UBE2U: variants seen among roughly 807,000 people sequenced by gnomAD.
UBE2U encodes ubiquitin conjugating enzyme E2 U, also known as ubiquitin-conjugating enzyme E2 U.
Under a neutral mutation model 41.2 loss-of-function variants are expected in UBE2U, and 39 were observed. The observed-to-expected ratio is 0.95, with a 90% confidence interval of 0.73 to 1.24. UBE2U has a LOEUF of 1.24. UBE2U is among the 50% of genes most tolerant of loss of function. UBE2U has a pLI of 0.00. For missense variants in UBE2U, 336 were observed against 363.1 expected, an observed-to-expected ratio of 0.93 and a Z score of 0.61; for synonymous variants, 107 against 117.8, an observed-to-expected ratio of 0.91 and a Z score of 0.60.
intron 6 of UBE2U, among the ~76,000 whole-genome samples, chr1:64,221,255 G>T (rs1054484991): frequency 6.6e-6 from 1 of 152,008 alleles, no homozygotes; most frequent in African/African-American, 2.4e-5. Context: ...GCAATTATAG[G>T]CACCTTCCAC....
At chr1:64,212,960 A>C (rs1051428743) in intron 4 of UBE2U, among the ~76,000 whole-genome samples, 5 of 152,216 alleles carry the variant, frequency 3.3e-5, no homozygotes, top group African/African-American at 9.7e-5. Context: ...TTAATAAAAC[A>C]AATATGCCCA....
intron 6 of UBE2U, among the ~76,000 whole-genome samples, chr1:64,227,294 A>C (rs1442548399): frequency 6.6e-6 from 1 of 152,196 alleles, no homozygotes; most frequent in Non-Finnish European, 1.5e-5. Flanking sequence ...AGGAAAATAA[A>C]TAAAAATTTT....
chr1:64,235,816 C>G (rs1489175821), intron 7 of UBE2U, among the ~76,000 whole-genome samples: 1 of 152,086 alleles, frequency 6.6e-6, no homozygotes, highest in African/African-American at 2.4e-5. Flanking sequence ...ATATTTTTAG[C>G]CATCTCAATC....
intron 7 of UBE2U, among the ~76,000 whole-genome samples, chr1:64,235,369 G>A (rs531548354): frequency 6.6e-6 from 1 of 152,248 alleles, no homozygotes; most frequent in Non-Finnish European, 1.5e-5. Flanking sequence ...TGTTTCAAGA[G>A]TTTCCTTGAA....
chr1:64,215,363 C>T (rs927741735), intron 5 of UBE2U: 26 of 159,756 alleles, frequency 1.6e-4, no homozygotes, highest in Non-Finnish European at 5.6e-5. Context: ...TATCCATTTT[C>T]AGTAATGAAT....
In UBE2U at chr1:64,267,292, T is replaced by G; in HGVS notation, c.*84T>G. 8.5e-7 allele frequency: 1 copy of G among 1,175,086 alleles called. No individual in the cohort carries two copies. The highest frequency in any genetic ancestry group is 1.1e-6 in the Non-Finnish European group (1 of 872,980). The allele number at this position is 1,175,086 out of a possible 1,614,324, so 72.8% of individuals were successfully genotyped here. On this transcript the variant is annotated 3_prime_UTR_variant, in exon 10 of 10. Coordinates refer to ENST00000371077, the MANE Select transcript of UBE2U (RefSeq NM_001366232.2). ...GCAATTTTGGAAGACTCTCAGAACT[T>G]GGATTTCATTTTTTTTAAGTTGTTC...
chr1:64,237,034 T>C (rs1557727238), intron 7 of UBE2U, among the ~76,000 whole-genome samples: 3 of 152,258 alleles, frequency 2.0e-5, no homozygotes, highest in African/African-American at 4.8e-5. Context: ...ATGTCAGAAG[T>C]TAGAAACTCC....
At chr1:64,205,761 T>G (rs770899765) in intron 2 of UBE2U, 41 bp downstream of exon 2, 1 of 1,511,270 alleles carries the variant, frequency 6.6e-7, no homozygotes, top group Non-Finnish European at 9.2e-7. Flanking sequence ...AAAAAAGTCT[T>G]TATACCATTA....
At chr1:64,224,920 C>T (rs1397449163) in intron 6 of UBE2U, among the ~76,000 whole-genome samples, 3 of 143,308 alleles carry the variant, frequency 2.1e-5, no homozygotes, top group Non-Finnish European at 3.0e-5. Context: ...TTATAAAATA[C>T]TGTATAGGAT....
At chr1:64,246,083 T>C (rs1644915498) in intron 8 of UBE2U, among the ~76,000 whole-genome samples, 1 of 152,176 alleles carries the variant, frequency 6.6e-6, no homozygotes, top group South Asian at 2.1e-4. Context: ...TGTGAAAAAG[T>C]TGTGTTTTTT....
chr1:64,239,056 A>AGAAGAGGAAGAGGAAGAG (rs1644727476), intron 7 of UBE2U, among the ~76,000 whole-genome samples: 4 of 65,966 alleles, frequency 6.1e-5, no homozygotes, highest in Non-Finnish European at 1.3e-4. Flanking sequence ...AAGAAGAAGA[A>AGAAGAGGAAGAGGAAGAG]GAAGAAGAAG....
In UBE2U at chr1:64,244,435, G is replaced by A. The variant is rs574006048; in HGVS notation, c.677+2702G>A. The A allele has an allele frequency of 1.2e-3, 290 of 248,492 alleles. 2 individuals are homozygous for A. Among genetic ancestry groups the A allele is most frequent in the Non-Finnish European group, 1.6e-3 (242 of 155,528 alleles). The allele number at this position is 248,492 out of a possible 1,614,324, so 15.4% of individuals were successfully genotyped here. A position where few individuals can be genotyped will look rare whatever the true frequency, so the allele number is the denominator to read the frequency against. On this transcript the variant is annotated intron_variant, in intron 8 of 9. Coordinates refer to ENST00000371077, the MANE Select transcript of UBE2U (RefSeq NM_001366232.2). ...AAATTTTAGTTCCTGGGGAGAGGAGGAGATGAAAGTTCATGCCACCCTACT... is the reference window on the plus strand; with the variant it reads ...AAATTTTAGTTCCTGGGGAGAGGAGAAGATGAAAGTTCATGCCACCCTACT...
chr1:64,252,022 T>A (rs1414904590), intron 8 of UBE2U, among the ~76,000 whole-genome samples: 1 of 152,148 alleles, frequency 6.6e-6, no homozygotes, highest in Non-Finnish European at 1.5e-5. Flanking sequence ...GAAAATGTGG[T>A]CACCATTTCT....
rs201771035 is a variant in UBE2U, at chr1:64,239,116, A to AG, written c.596-2535dup. On this transcript the variant is annotated intron_variant, in intron 7 of 9. Coordinates refer to ENST00000371077, the MANE Select transcript of UBE2U (RefSeq NM_001366232.2). ...AGGAAGAAGAAGAAGAAGAAGAAGAAGAAGAAGAAGAAGAAGAAGAAGAAG... is the reference window on the plus strand; with the variant it reads ...AGGAAGAAGAAGAAGAAGAAGAAGAAGGAAGAAGAAGAAGAAGAAGAAGAAG... Among the ~76,000 whole-genome samples, 136 of 35,134 alleles carry AG rather than the reference A, an allele frequency of 3.9e-3. 2 individuals are homozygous for AG. The highest frequency in any genetic ancestry group is 0.015 in the African/African-American group (66 of 4,420). 23.0% of individuals were successfully genotyped at this position (35,134 alleles called of 152,430 possible).
intron 8 of UBE2U, among the ~76,000 whole-genome samples, chr1:64,255,493 C>T (rs1162089378): frequency 2.6e-5 from 4 of 152,164 alleles, no homozygotes; most frequent in Admixed American, 2.6e-4. Context: ...AGGCCAATGT[C>T]CCTGATGAAC....
chr1:64,238,796 C>A (rs1329004228), intron 7 of UBE2U, among the ~76,000 whole-genome samples: 1 of 152,126 alleles, frequency 6.6e-6, no homozygotes, highest in African/African-American at 2.4e-5. Flanking sequence ...AATCCCAACA[C>A]TTTGGGAGGC....
intron 6 of UBE2U, among the ~76,000 whole-genome samples, chr1:64,225,068 A>G (rs941945195): frequency 6.6e-6 from 1 of 152,176 alleles, no homozygotes; most frequent in African/African-American, 2.4e-5. Context: ...CAGTTTCTTT[A>G]TATATTAAAT....
In UBE2U at chr1:64,239,157, AAAGAAGAAGAAG is replaced by A. The variant is rs149062313; in HGVS notation, c.596-2471_596-2460del. 4.6e-4 allele frequency among the ~76,000 whole-genome samples: 17 copies of A among 37,064 alleles called. No individual in the cohort carries two copies. The South Asian group carries it at 9.6e-3, about 21-fold the overall frequency. The allele number at this position is 37,064 out of a possible 152,430, so 24.3% of individuals were successfully genotyped here. ...GAAGAAGAAGAAGAAGAAGAAGAAGAAAGAAGAAGAAGAAGAAGAAGAAGAAGAAGAAGAAAG... is the reference window on the plus strand; with the variant it reads ...GAAGAAGAAGAAGAAGAAGAAGAAGAAAGAAGAAGAAGAAGAAGAAGAAAG... On this transcript the variant is annotated intron_variant, in intron 7 of 9. Transcript: ENST00000371077.
chr1:64,239,142 A>AAGGAGAAGG lies in UBE2U; in HGVS notation c.596-2508_596-2507insGAGAAGGAG, dbSNP rs1557730583. Reference sequence around the variant, plus strand: ...GAAGAAGAAGAAGAAGAAGAAGAAGAAGAAGAAGAAGAAGAAAGAAGAAGA... The same window carrying AAGGAGAAGG: ...GAAGAAGAAGAAGAAGAAGAAGAAGAAGGAGAAGGAGAAGAAGAAGAAGAAAGAAGAAGA... On this transcript the variant is annotated intron_variant, in intron 7 of 9. Coordinates refer to ENST00000371077, the MANE Select transcript of UBE2U (RefSeq NM_001366232.2). Among the ~76,000 whole-genome samples the AAGGAGAAGG allele has an allele frequency of 2.3e-4, 6 of 26,480 alleles. 1 individual carries two copies. The highest frequency in any genetic ancestry group is 1.0e-3 in the African/African-American group (6 of 5,882). The allele number at this position is 26,480 out of a possible 152,430, so 17.4% of individuals were successfully genotyped here. A position where few individuals can be genotyped will look rare whatever the true frequency, so the allele number is the denominator to read the frequency against.
Sources: gnomAD v4.1 joint callset for allele counts (sites outside exome capture counted in the v4.1 genomes callset) on GRCh38, gnomAD v4.1.1 for gene constraint, MANE v1.5 for transcripts, NCBI Gene and HGNC (gene_info 2026-07-23, HGNC 2026-07-21) for gene names.